The following PKNOX2 variants were observed in gnomAD, a reference collection of about 807,000 sequenced individuals.
PKNOX2 encodes the protein PBX/knotted 1 homeobox 2.
A neutral mutation model predicts 53.1 loss-of-function variants in PKNOX2; 14 were observed. The ratio of observed to expected loss-of-function variants is 0.26; its 90% CI spans 0.17 to 0.41. The LOEUF (loss-of-function observed/expected upper bound fraction) is 0.41. PKNOX2 is among the 10% of genes least tolerant of loss of function. The probability of loss-of-function intolerance (pLI) is 1.00; values close to 1 mark genes in which losing one functional copy is unlikely to be tolerated. For missense variants in PKNOX2, 496 were observed against 602.8 expected (o/e 0.82, Z 1.85); for synonymous variants, 257 against 242.8 (o/e 1.06, Z -0.54).
In PKNOX2 at chr11:125,354,763, A is replaced by G. The variant is rs142613652; in HGVS notation, c.87+3371A>G. Reference sequence around the variant, plus strand: ...TTGGGGAATAAAGTTATTAAAAATGAGGGAGGCTTTTTTTTCTTCCCATTT... The same window carrying G: ...TTGGGGAATAAAGTTATTAAAAATGGGGGAGGCTTTTTTTTCTTCCCATTT... On this transcript the variant is annotated intron_variant, in intron 4 of 12. Coordinates refer to ENST00000298282, the MANE Select transcript of PKNOX2 (RefSeq NM_001382323.2). 8.3e-3 allele frequency among the ~76,000 whole-genome samples: 1,266 copies of G among 152,328 alleles called. 15 individuals carry two copies. Among genetic ancestry groups the G allele is most frequent in the African/African-American group, 0.028 (1,162 of 41,580 alleles).
At chr11:125,280,661 C>T (rs1946496851) in intron 2 of PKNOX2, among the ~76,000 whole-genome samples, 1 of 152,276 alleles carries the variant, frequency 6.6e-6, no homozygotes, top group South Asian at 2.1e-4. Flanking sequence ...GTGAGTGTCA[C>T]AAGCAGGGTG....
intron 1 of PKNOX2, among the ~76,000 whole-genome samples, chr11:125,176,095 C>T (rs1163106362): frequency 1.3e-5 from 2 of 152,172 alleles, no homozygotes; most frequent in African/African-American, 4.8e-5. Flanking sequence ...GTGAGTTCCC[C>T]TGGGATTCCT....
intron 2 of PKNOX2, among the ~76,000 whole-genome samples, chr11:125,309,127 CTTCCTTTCTTTCTTTCTTTCTTTCTTTCT>C: frequency 6.8e-6 from 1 of 146,402 alleles, no homozygotes; most frequent in African/African-American, 2.7e-5. Context: ...ACAATTACCT[CTTCCTTTCTTTCTTTCTTTCTTTCTTTCT>C]TTCCTTCCTT....
intron 2 of PKNOX2, among the ~76,000 whole-genome samples, chr11:125,311,332 T>C (rs1437728732): frequency 7.2e-5 from 11 of 152,168 alleles, no homozygotes; most frequent in Non-Finnish European, 1.6e-4. Context: ...CCAATATTTT[T>C]TTGATCACCT....
intron 3 of PKNOX2, among the ~76,000 whole-genome samples, chr11:125,347,489 C>T (rs1476313378): frequency 6.6e-6 from 1 of 152,094 alleles, no homozygotes; most frequent in Non-Finnish European, 1.5e-5. Context: ...TTTTCTGAGC[C>T]TGTTTGTCAG....
Position 125,431,246 on chromosome 11 carries a change from C to T in PKNOX2, c.1273C>T (p.His425Tyr). The T allele has an allele frequency of 6.2e-7, 1 of 1,613,720 alleles. No homozygotes were observed. ...MAMQQAMMAA[H>Y]DDSLDGTEEE... ...CATGCAGCAGGCTATGATGGCTGCA[C>T]ACGATGACTCATTGGATGGGACAGA... is the stretch of plus-strand genomic sequence containing the variant. Residue 425 changes from histidine (H) to tyrosine (Y), a missense_variant, in exon 13 of 13, where the codon CAC becomes TAC. Transcript: ENST00000298282.
At chr11:125,281,306 C>T (rs1463465878) in intron 2 of PKNOX2, among the ~76,000 whole-genome samples, 4 of 152,200 alleles carry the variant, frequency 2.6e-5, no homozygotes, top group Non-Finnish European at 4.4e-5. Context: ...GAAATGTTCC[C>T]TCAATGCCTT....
At chr11:125,342,380 G>A (rs988561903) in intron 3 of PKNOX2, among the ~76,000 whole-genome samples, 56 of 152,064 alleles carry the variant, frequency 3.7e-4, no homozygotes, top group African/African-American at 1.3e-3. Context: ...CCCCTGCTCC[G>A]GCCACCCTAC....
chr11:125,221,838 CAT>C (rs765448234), intron 1 of PKNOX2, among the ~76,000 whole-genome samples: 8 of 152,108 alleles, frequency 5.3e-5, no homozygotes, highest in Non-Finnish European at 1.0e-4. Flanking sequence ...GTGTGAGTCT[CAT>C]AAAAACTTCC....
chr11:125,307,735 T>C (rs67134762), intron 2 of PKNOX2, among the ~76,000 whole-genome samples: 31,737 of 152,170 alleles, frequency 0.21, 3,785 homozygotes, highest in East Asian at 0.52. Flanking sequence ...AGGACTAGAA[T>C]TCTGGGCCAC....
At chr11:125,261,284 CAG>C (rs1427048733) in intron 2 of PKNOX2, among the ~76,000 whole-genome samples, 20 of 152,148 alleles carry the variant, frequency 1.3e-4, no homozygotes, top group Non-Finnish European at 2.1e-4. Flanking sequence ...AGAGGAGAAA[CAG>C]AGAAAGGGCT....
At chr11:125,275,316 C>T (rs1946082267) in intron 2 of PKNOX2, among the ~76,000 whole-genome samples, 1 of 151,990 alleles carries the variant, frequency 6.6e-6, no homozygotes, top group African/African-American at 2.4e-5. Context: ...AAGCAAAAGC[C>T]AAGTCTCTGG....
Position 125,367,950 on chromosome 11 carries a change from G to C in PKNOX2, c.192G>C (p.Gln64His). The stretch of plus-strand genomic sequence containing the variant: ...TGCCCAGTGCCCCCATCGACCCCCA[G>C]GCCCAGCTGGAGGCTGACAAGCGAG... ...TPVPSAPIDP[Q>H]AQLEADKRAV... The change falls in exon 5 of 13, where the codon CAG becomes CAC. Residue 64 changes from glutamine to histidine, a missense_variant. Physicochemically the swap from Gln to His is conservative, Grantham distance 24. Transcript: ENST00000298282. 6.2e-7 allele frequency: 1 copy of C among 1,613,254 alleles called. No homozygotes were observed. The highest frequency in any genetic ancestry group is 1.7e-5 in the Admixed American group (1 of 59,940).
Position 125,431,359 on chromosome 11 carries a change from C to A in PKNOX2, c.1386C>A (p.Asp462Glu). ...AGCTGCAGACGACAAATGTCAGCGA[C>A]CTGGGCTTGGAACACAGTGACTCCC... ...VDELQTTNVS[D>E]LGLEHSDSLE The change falls in exon 13 of 13, where the codon GAC becomes GAA. Residue 462 changes from aspartate to glutamate, a missense_variant. Coordinates refer to ENST00000298282, the MANE Select transcript of PKNOX2 (RefSeq NM_001382323.2). 1 of 1,612,040 alleles carries A rather than the reference C, an allele frequency of 6.2e-7. No homozygotes were observed. The highest frequency in any genetic ancestry group is 8.5e-7 in the Non-Finnish European group (1 of 1,179,276).
At chr11:125,234,179 G>A (rs60088185) in intron 1 of PKNOX2, among the ~76,000 whole-genome samples, 4,512 of 152,200 alleles carry the variant, frequency 0.03, 210 homozygotes, top group African/African-American at 0.1. Context: ...CTTGAGTGCC[G>A]CGACTCTTGC....
intron 2 of PKNOX2, among the ~76,000 whole-genome samples, chr11:125,310,346 T>C (rs1948726513): frequency 6.6e-6 from 1 of 151,792 alleles, no homozygotes; most frequent in African/African-American, 2.4e-5. Flanking sequence ...AATACAAAAA[T>C]TAACCAGGCA....
At chr11:125,282,083 T>G (rs758552051) in intron 2 of PKNOX2, among the ~76,000 whole-genome samples, 1 of 152,194 alleles carries the variant, frequency 6.6e-6, no homozygotes, top group Non-Finnish European at 1.5e-5. Context: ...GCCGCTTTTC[T>G]TCTCTGGGGT....
At chr11:125,340,490 G>A (rs371668484) in intron 3 of PKNOX2, among the ~76,000 whole-genome samples, 6 of 152,124 alleles carry the variant, frequency 3.9e-5, no homozygotes, top group Non-Finnish European at 7.3e-5. Context: ...TCAAAGCCCC[G>A]GTTTGCTCAC....
intron 3 of PKNOX2, among the ~76,000 whole-genome samples, chr11:125,335,435 T>TAG (rs1162708254): frequency 1.3e-5 from 2 of 152,170 alleles, no homozygotes; most frequent in African/African-American, 4.8e-5. Flanking sequence ...GGAGGAGGAC[T>TAG]AGAGGCTCTC....
Sources: allele counts gnomAD v4.1 joint callset (sites outside exome capture counted in the v4.1 genomes callset), GRCh38; gene constraint gnomAD v4.1.1; transcripts MANE v1.5; gene names NCBI Gene and HGNC (gene_info 2026-07-23, HGNC 2026-07-21).